The following ANK2 variants were observed in gnomAD, a reference collection of about 807,000 sequenced individuals.
ANK2 encodes the protein ankyrin 2, also known as ankyrin-2.
A neutral mutation model predicts 360.5 loss-of-function variants in ANK2; 83 were observed. The ratio of observed to expected loss-of-function variants is 0.23; its 90% CI spans 0.19 to 0.28. ANK2 has a LOEUF of 0.28. ANK2 is among the 10% of genes least tolerant of loss of function. The pLI is 1.00. For synonymous variants in ANK2, 1,740 were observed against 1,759.5 expected (o/e 0.99, Z 0.28); for missense variants, 4,201 against 4,795.7 (o/e 0.88, Z 3.66).
At chr4:113,123,838 C>A (rs1018258373) in intron 1 of ANK2, among the ~76,000 whole-genome samples, 1 of 152,104 alleles carries the variant, frequency 6.6e-6, no homozygotes, top group African/African-American at 2.4e-5. Context: ...AAATTTCAAG[C>A]GATCGTAGAT....
intron 24 of ANK2, among the ~76,000 whole-genome samples, chr4:113,316,689 G>A (rs1466626160): frequency 6.6e-6 from 1 of 152,128 alleles, no homozygotes; most frequent in Non-Finnish European, 1.5e-5. Flanking sequence ...TTGAGCTACA[G>A]TGTATAAAAT....
At chr4:113,171,914 T>C in intron 1 of ANK2, among the ~76,000 whole-genome samples, 1 of 152,098 alleles carries the variant, frequency 6.6e-6, no homozygotes, top group East Asian at 1.9e-4. Context: ...GCTGCATTGG[T>C]GTTTCTAGGT....
intron 2 of ANK2, among the ~76,000 whole-genome samples, chr4:112,981,742 A>G (rs1349880776): frequency 6.6e-6 from 1 of 152,218 alleles, no homozygotes; most frequent in Non-Finnish European, 1.5e-5. Flanking sequence ...AAAAGTAAAA[A>G]GATGCTGCAA....
chr4:113,369,469 G>A (rs373090626), intron 42 of ANK2, 45 bp from the exon 43 acceptor site: 198 of 1,605,100 alleles, frequency 1.2e-4, no homozygotes, highest in Middle Eastern at 5.0e-4. Flanking sequence ...AGCAGGAGGT[G>A]AAATGCAAAT....
At chr4:113,309,855 G>A (rs1029800027) in intron 23 of ANK2, among the ~76,000 whole-genome samples, 2 of 152,134 alleles carry the variant, frequency 1.3e-5, no homozygotes, top group African/African-American at 4.8e-5. Context: ...TGTCACCAGA[G>A]TCATAAAATT....
At chr4:113,229,166 C>T (rs1446319205) in intron 4 of ANK2, among the ~76,000 whole-genome samples, 3 of 152,230 alleles carry the variant, frequency 2.0e-5, no homozygotes, top group African/African-American at 7.2e-5. Context: ...TACTACACCA[C>T]CAGTGGCTTG....
intron 2 of ANK2, among the ~76,000 whole-genome samples, chr4:113,023,119 G>T (rs1161190268): frequency 1.3e-5 from 2 of 151,860 alleles, no homozygotes; most frequent in East Asian, 3.9e-4. Context: ...CATGTATCCT[G>T]GAACTTAAAA....
the ANK2 span, among the ~76,000 whole-genome samples, chr4:112,809,588 T>G: frequency 1.1e-4 from 14 of 133,194 alleles, no homozygotes; most frequent in African/African-American, 4.1e-4. Context: ...TAAAAATAAA[T>G]AAATAAAACC....
intron 1 of ANK2, among the ~76,000 whole-genome samples, chr4:112,830,544 G>C (rs556994623): frequency 1.3e-5 from 2 of 152,136 alleles, no homozygotes; most frequent in Non-Finnish European, 2.9e-5. Flanking sequence ...GGTACTTATC[G>C]GTTACTATGG....
chr4:112,751,114 T>G, the ANK2 span, among the ~76,000 whole-genome samples: 3 of 152,112 alleles, frequency 2.0e-5, no homozygotes, highest in Non-Finnish European at 2.9e-5. Context: ...ATAACCCAGT[T>G]TTCCTGCTTC....
Position 113,172,655 on chromosome 4 carries a change from A to G in ANK2, c.85-1761A>G, listed in dbSNP as rs112860767. 5.2e-3 allele frequency among the ~76,000 whole-genome samples: 799 copies of G among 152,306 alleles called. 5 individuals are homozygous for G. The highest frequency in any genetic ancestry group is 9.6e-3 in the Non-Finnish European group (655 of 68,022). ...AAATTGGAAGTACTTTCTAGGAACA[A>G]CCTCTAATATAATATATAGCACACA... is the stretch of plus-strand genomic sequence containing the variant. On this transcript the variant is annotated intron_variant, in intron 1 of 45. Coordinates refer to ENST00000357077, the MANE Select transcript of ANK2 (RefSeq NM_001148.6).
upstream of ANK2, among the ~76,000 whole-genome samples, chr4:112,815,393 A>G (rs1006011193): frequency 6.6e-5 from 10 of 152,228 alleles, no homozygotes; most frequent in African/African-American, 2.4e-4. Context: ...ATATTGTGAT[A>G]TATAAACAAA....
intron 2 of ANK2, chr4:113,033,942 A>T (rs2154306499): frequency 6.6e-6 from 1 of 152,072 alleles, no homozygotes; most frequent in East Asian, 1.9e-4. Flanking sequence ...CTGAGCCTCC[A>T]CTGCCATCCA....
At chr4:112,725,552 G>A in the ANK2 span, among the ~76,000 whole-genome samples, 1 of 151,662 alleles carries the variant, frequency 6.6e-6, no homozygotes, top group South Asian at 2.1e-4. Flanking sequence ...TAGAAACAGG[G>A]TTTCACCATG....
the ANK2 span, among the ~76,000 whole-genome samples, chr4:112,770,677 G>T: frequency 2.7e-5 from 4 of 149,834 alleles, no homozygotes; most frequent in Non-Finnish European, 5.9e-5. Context: ...TTGTACTCCA[G>T]CCTGGGTGAC....
intron 1 of ANK2, among the ~76,000 whole-genome samples, chr4:113,055,890 A>T (rs2069495383): frequency 2.0e-5 from 3 of 152,148 alleles, no homozygotes; most frequent in Admixed American, 6.6e-5. Context: ...TATCCTCCTG[A>T]TTCTTCCTTC....
At chr4:113,069,889 T>C (rs1408797613) in intron 1 of ANK2, 1 of 152,210 alleles carries the variant, frequency 6.6e-6, no homozygotes, top group Non-Finnish European at 1.5e-5. Flanking sequence ...ACCTCTTCCT[T>C]TCTTTCTTCT....
the ANK2 span, among the ~76,000 whole-genome samples, chr4:112,750,455 C>T: frequency 1.3e-5 from 2 of 152,158 alleles, no homozygotes; most frequent in Admixed American, 6.5e-5. Context: ...TTGTGTTACA[C>T]TTGCCTACAA....
the ANK2 span, among the ~76,000 whole-genome samples, chr4:112,799,652 G>T: frequency 0.021 from 3,205 of 151,982 alleles, 115 homozygotes; most frequent in African/African-American, 0.073. Flanking sequence ...TAGTAGCTGG[G>T]ATTACAGGCG....
Sources: allele counts gnomAD v4.1 joint callset (sites outside exome capture counted in the v4.1 genomes callset), GRCh38; gene constraint gnomAD v4.1.1; transcripts MANE v1.5; gene names NCBI Gene and HGNC (gene_info 2026-07-23, HGNC 2026-07-21).